The following TEAD1 variants were observed in gnomAD, a reference collection of about 807,000 sequenced individuals.
TEAD1 encodes TEA domain transcription factor 1.
TEAD1 carries 9 observed loss-of-function variants against 54.9 expected under a neutral mutation model. That is an observed-to-expected ratio of 0.16 (90% CI 0.10 to 0.29). The LOEUF (loss-of-function observed/expected upper bound fraction) is 0.29, where lower values mean the gene tolerates loss of function less well. Ranked by LOEUF, TEAD1 falls within the 10% of genes least tolerant of loss-of-function variation. The pLI, the probability that TEAD1 is intolerant of heterozygous loss-of-function variation, is 1.00. For missense variants in TEAD1, 387 were observed against 535.9 expected, an observed-to-expected ratio of 0.72 and a Z score of 2.74; for synonymous variants, 200 against 187.8, an observed-to-expected ratio of 1.07 and a Z score of -0.53.
intron 2 of TEAD1, among the ~76,000 whole-genome samples, chr11:12,730,442 T>TC (rs1352250753): frequency 5.8e-5 from 6 of 103,658 alleles, no homozygotes; most frequent in East Asian, 5.6e-4. Flanking sequence ...TTTTTTTTTT[T>TC]CCTAACGGTA....
chr11:12,683,490 C>T (rs774454913), intron 2 of TEAD1, among the ~76,000 whole-genome samples: 1 of 152,072 alleles, frequency 6.6e-6, no homozygotes, highest in Non-Finnish European at 1.5e-5. Context: ...GGGGTAAGCC[C>T]TCATGATACA....
At chr11:12,813,115 GGGA>G (rs946219820) in intron 3 of TEAD1, among the ~76,000 whole-genome samples, 1 of 152,176 alleles carries the variant, frequency 6.6e-6, no homozygotes, top group South Asian at 2.1e-4. Flanking sequence ...GGAGCTGGAA[GGGA>G]GGAGTTCAGT....
chr11:12,751,022 A>G (rs762862953), intron 2 of TEAD1, among the ~76,000 whole-genome samples: 6 of 152,190 alleles, frequency 3.9e-5, no homozygotes, highest in Non-Finnish European at 7.3e-5. Context: ...ACATAGAAAA[A>G]TGACTGGGCT....
chr11:12,895,834 A>G (rs1044602824), intron 9 of TEAD1, among the ~76,000 whole-genome samples: 2 of 152,164 alleles, frequency 1.3e-5, no homozygotes, highest in Non-Finnish European at 2.9e-5. Flanking sequence ...TCTAAATAAC[A>G]TGCTTATATT....
intron 2 of TEAD1, among the ~76,000 whole-genome samples, chr11:12,717,447 C>G (rs1255769117): frequency 6.6e-6 from 1 of 152,216 alleles, no homozygotes; most frequent in South Asian, 2.1e-4. Flanking sequence ...ATTACACCTC[C>G]ACAGAAATCA....
intron 2 of TEAD1, among the ~76,000 whole-genome samples, chr11:12,681,382 C>T (rs188211274): frequency 6.6e-6 from 1 of 152,258 alleles, no homozygotes; most frequent in African/African-American, 2.4e-5. Context: ...TTAAATTTTA[C>T]CTTAGCCGTA....
intron 10 of TEAD1, among the ~76,000 whole-genome samples, chr11:12,909,473 A>G (rs563451649): frequency 2.8e-5 from 4 of 145,200 alleles, no homozygotes; most frequent in Non-Finnish European, 4.5e-5. Context: ...GAGTTGAACA[A>G]TGAGAACACA....
chr11:12,933,666 G>T (rs938057876), intron 12 of TEAD1, among the ~76,000 whole-genome samples: 3 of 152,148 alleles, frequency 2.0e-5, no homozygotes, highest in African/African-American at 7.2e-5. Flanking sequence ...TTAATAGAAA[G>T]CTTGCAAGAA....
At chr11:12,795,130 G>A (rs1161859664) in intron 3 of TEAD1, among the ~76,000 whole-genome samples, 1 of 152,190 alleles carries the variant, frequency 6.6e-6, no homozygotes, top group East Asian at 1.9e-4. Flanking sequence ...AGTCTTTAGG[G>A]GAGGATGTGT....
intron 3 of TEAD1, among the ~76,000 whole-genome samples, chr11:12,786,457 G>A (rs553342679): frequency 3.3e-5 from 5 of 152,260 alleles, no homozygotes; most frequent in Admixed American, 6.5e-5. Context: ...TAGGATTGCC[G>A]GACCTGGCAA....
intron 2 of TEAD1, among the ~76,000 whole-genome samples, chr11:12,745,120 A>G (rs541373963): frequency 2.0e-5 from 3 of 152,344 alleles, no homozygotes; most frequent in Non-Finnish European, 4.4e-5. Flanking sequence ...AGTCGAGTCT[A>G]CGGTTTTTTC....
At chr11:12,786,200 G>C (rs1945673636) in intron 3 of TEAD1, among the ~76,000 whole-genome samples, 1 of 152,220 alleles carries the variant, frequency 6.6e-6, no homozygotes, top group Non-Finnish European at 1.5e-5. Flanking sequence ...AGGCAGAGAA[G>C]GTGTTCTTTA....
intron 10 of TEAD1, among the ~76,000 whole-genome samples, chr11:12,906,726 T>A (rs1315064358): frequency 6.6e-6 from 1 of 152,212 alleles, no homozygotes; most frequent in African/African-American, 2.4e-5. Context: ...GTGGATCTAC[T>A]TTCTGTCTGG....
At chr11:12,795,321 T>C (rs1027215757) in intron 3 of TEAD1, among the ~76,000 whole-genome samples, 5 of 152,206 alleles carry the variant, frequency 3.3e-5, no homozygotes, top group African/African-American at 1.2e-4. Flanking sequence ...CCTACTCCAG[T>C]ATGACCTTGA....
intron 3 of TEAD1, among the ~76,000 whole-genome samples, chr11:12,846,887 T>C (rs542463753): frequency 6.6e-6 from 1 of 152,338 alleles, no homozygotes; most frequent in Non-Finnish European, 1.5e-5. Flanking sequence ...AACAGCCACA[T>C]GTCCTCTTTC....
chr11:12,764,761 A>G (rs911416742), intron 3 of TEAD1, among the ~76,000 whole-genome samples: 2 of 151,540 alleles, frequency 1.3e-5, no homozygotes, highest in Non-Finnish European at 2.9e-5. Context: ...TCTTCTGAAC[A>G]CAGACCAGAT....
At chr11:12,838,163 A>T (rs1033134707) in intron 3 of TEAD1, among the ~76,000 whole-genome samples, 1 of 152,182 alleles carries the variant, frequency 6.6e-6, no homozygotes, top group Non-Finnish European at 1.5e-5. Flanking sequence ...ATGAGACCTA[A>T]TAACAGAAGT....
intron 9 of TEAD1, among the ~76,000 whole-genome samples, chr11:12,887,071 A>C (rs533390824): frequency 7.0e-6 from 1 of 142,274 alleles, no homozygotes; most frequent in South Asian, 2.2e-4. Context: ...ATGAATGTGG[A>C]AGTTTTTTTG....
chr11:12,900,617 T>C (rs563240842), intron 9 of TEAD1, among the ~76,000 whole-genome samples: 2 of 152,218 alleles, frequency 1.3e-5, no homozygotes, highest in East Asian at 1.9e-4. Flanking sequence ...TGTGCTTGAG[T>C]AGGATGAGTC....
Sources: allele counts gnomAD v4.1 joint callset (sites outside exome capture counted in the v4.1 genomes callset), GRCh38; gene constraint gnomAD v4.1.1; transcripts MANE v1.5; gene names NCBI Gene and HGNC (gene_info 2026-07-23, HGNC 2026-07-21).